The following SLC1A2 variants were observed in gnomAD, a reference collection of about 807,000 sequenced individuals.
The protein encoded by SLC1A2 is excitatory amino acid transporter 2.
A neutral mutation model predicts 48.8 loss-of-function variants in SLC1A2; 15 were observed. The ratio of observed to expected loss-of-function variants is 0.31; its 90% CI spans 0.21 to 0.47. The LOEUF (loss-of-function observed/expected upper bound fraction) is 0.47, where lower values mean the gene tolerates loss of function less well. Ranked by LOEUF, SLC1A2 falls within the 20% of genes least tolerant of loss-of-function variation. SLC1A2 has a pLI of 0.99. For missense variants in SLC1A2, 502 were observed against 730.5 expected, an observed-to-expected ratio of 0.69 and a Z score of 3.61; for synonymous variants, 279 against 272.6, an observed-to-expected ratio of 1.02 and a Z score of -0.23.
At chr11:35,315,920 G>A (rs537138471) in intron 2 of SLC1A2, 5 of 152,334 alleles carry the variant, frequency 3.3e-5, no homozygotes, top group Admixed American at 6.5e-5. Context: ...TTTAATGTGT[G>A]TCTTCTCATT....
intron 1 of SLC1A2, among the ~76,000 whole-genome samples, chr11:35,342,699 T>C (rs1002188960): frequency 6.6e-6 from 1 of 152,010 alleles, no homozygotes; most frequent in Admixed American, 6.6e-5. Flanking sequence ...GGTGGAAGGA[T>C]CGCTTGAGCC....
intron 1 of SLC1A2, among the ~76,000 whole-genome samples, chr11:35,398,228 G>GA (rs1291671833): frequency 1.3e-5 from 2 of 151,790 alleles, no homozygotes; most frequent in Non-Finnish European, 1.5e-5. Flanking sequence ...GAAGGGGATA[G>GA]AAAAAAAATA....
In SLC1A2 at chr11:35,256,801, G is replaced by A. The variant is rs1394525184; in HGVS notation, c.*4093C>T. The stretch of plus-strand genomic sequence containing the variant: ...GCCGTAAGAGTTAGAGAGCAGCTAG[G>A]TGAGAAAAATCACTTCCACTGGGGT... On this transcript the variant is annotated 3_prime_UTR_variant, in exon 11 of 11. Coordinates refer to ENST00000278379, the MANE Select transcript of SLC1A2 (RefSeq NM_004171.4). 1 of 152,018 alleles carries A rather than the reference G, an allele frequency of 6.6e-6. No individual in the cohort carries two copies. The highest frequency in any genetic ancestry group is 6.6e-5 in the Admixed American group (1 of 15,250). 9.4% of individuals were successfully genotyped at this position (152,018 alleles called of 1,614,324 possible).
At position 35,287,388 on chromosome 11, in the gene SLC1A2, A is replaced by G. The variant is rs564154078; in HGVS notation, c.1092-437T>C. 9.8e-5 allele frequency among the ~76,000 whole-genome samples: 15 copies of G among 152,332 alleles called. No homozygotes were observed. The South Asian group carries it at 1.2e-3, about 13-fold the overall frequency. Reference sequence around the variant, plus strand: ...AATAACCCATAATTTCATGCTAGAAATGCTGTTTCCGATAAAATGACTGAA... The same window carrying G: ...AATAACCCATAATTTCATGCTAGAAGTGCTGTTTCCGATAAAATGACTGAA... On this transcript the variant is annotated intron_variant, in intron 7 of 10. Transcript: ENST00000278379.
intron 1 of SLC1A2, among the ~76,000 whole-genome samples, chr11:35,398,613 A>G (rs114889364): frequency 6.6e-6 from 1 of 152,316 alleles, no homozygotes; most frequent in African/African-American, 2.4e-5. Context: ...CCCCTGTGAC[A>G]TGCAATTTAT....
chr11:35,413,083 G>C (rs946737730), intron 1 of SLC1A2, among the ~76,000 whole-genome samples: 1 of 152,204 alleles, frequency 6.6e-6, no homozygotes, highest in African/African-American at 2.4e-5. Flanking sequence ...TGTATACCAA[G>C]AGAATGGTAC....
At chr11:35,261,896 T>C (rs1306671747) in intron 10 of SLC1A2, 2 of 395,840 alleles carry the variant, frequency 5.1e-6, no homozygotes, top group Non-Finnish European at 8.9e-6. Context: ...CTTCAACGAA[T>C]CAAGCAAAGG....
intron 8 of SLC1A2, among the ~76,000 whole-genome samples, chr11:35,284,087 T>TATATATATATA (rs1850729531): frequency 3.5e-5 from 4 of 115,896 alleles, no homozygotes; most frequent in African/African-American, 1.3e-4. Flanking sequence ...GAAGATTTTA[T>TATATATATATA]TATATATATA....
At position 35,384,187 on chromosome 11, in the gene SLC1A2, T is replaced by G. The variant is rs369871980; in HGVS notation, c.17+34763A>C. Among the ~76,000 whole-genome samples the G allele has an allele frequency of 3.9e-5, 6 of 152,306 alleles. No individual in the cohort carries two copies. The South Asian group carries it at 1.0e-3, about 26-fold the overall frequency. ...AATCCAAGAACAAGAAACAAAATAGTAATAGAAGCTGTCTTGTCACATGTA... is the reference window on the plus strand; with the variant it reads ...AATCCAAGAACAAGAAACAAAATAGGAATAGAAGCTGTCTTGTCACATGTA... On this transcript the variant is annotated intron_variant, in intron 1 of 10. Coordinates refer to ENST00000278379, the MANE Select transcript of SLC1A2 (RefSeq NM_004171.4).
At chr11:35,276,942 G>A (rs927313496) in intron 9 of SLC1A2, among the ~76,000 whole-genome samples, 2 of 152,166 alleles carry the variant, frequency 1.3e-5, no homozygotes, top group Non-Finnish European at 2.9e-5. Flanking sequence ...CAGAATTCTG[G>A]AGGTTGGGAA....
intron 7 of SLC1A2, among the ~76,000 whole-genome samples, chr11:35,290,534 T>C (rs981969969): frequency 2.6e-5 from 4 of 152,144 alleles, no homozygotes; most frequent in African/African-American, 9.7e-5. Context: ...CACTGGGTGA[T>C]AGAATAATTG....
chr11:35,382,403 T>G (rs1433818950), intron 1 of SLC1A2, among the ~76,000 whole-genome samples: 3 of 152,250 alleles, frequency 2.0e-5, no homozygotes, highest in African/African-American at 7.2e-5. Flanking sequence ...ACTAGACCAG[T>G]GAAATCTTTG....
At chr11:35,274,053 G>A (rs1331263984) in intron 9 of SLC1A2, among the ~76,000 whole-genome samples, 1 of 152,040 alleles carries the variant, frequency 6.6e-6, no homozygotes, top group Non-Finnish European at 1.5e-5. Flanking sequence ...CCAGGGGTGG[G>A]GAATACTAAA....
chr11:35,407,056 A>T (rs1317968491), intron 1 of SLC1A2, among the ~76,000 whole-genome samples: 1 of 151,996 alleles, frequency 6.6e-6, no homozygotes, highest in Non-Finnish European at 1.5e-5. Context: ...CCAACTAGGG[A>T]GACTTAGAAA....
At chr11:35,332,632 A>G (rs1303405552) in intron 1 of SLC1A2, among the ~76,000 whole-genome samples, 1 of 152,156 alleles carries the variant, frequency 6.6e-6, no homozygotes, top group Non-Finnish European at 1.5e-5. Context: ...ACTCAAATAT[A>G]TTCTAGGGCT....
intron 2 of SLC1A2, chr11:35,316,986 C>T (rs1851903155): frequency 5.7e-6 from 1 of 174,030 alleles, no homozygotes; most frequent in Non-Finnish European, 1.2e-5. Flanking sequence ...TTGTGCAATA[C>T]TTGTGCTTAT....
At position 35,306,064 on chromosome 11, in the gene SLC1A2, G is replaced by C. The variant is rs771542093; in HGVS notation, c.730+10C>G. 37 of 1,612,192 alleles carry C rather than the reference G, an allele frequency of 2.3e-5. No homozygotes were observed. Among genetic ancestry groups the C allele is most frequent in the Admixed American group, 6.7e-5 (4 of 59,944 alleles). Reference sequence around the variant, plus strand: ...AGGGAAGCAGAATCCCGGACCACCAGCTGGCCTACCTAAGACGTTCATCCC... The same window carrying C: ...AGGGAAGCAGAATCCCGGACCACCACCTGGCCTACCTAAGACGTTCATCCC... On this transcript the variant is annotated intron_variant, in intron 5 of 10. Transcript: ENST00000278379.
intron 9 of SLC1A2, among the ~76,000 whole-genome samples, chr11:35,273,868 A>T (rs1440818540): frequency 6.6e-6 from 1 of 152,244 alleles, no homozygotes; most frequent in African/African-American, 2.4e-5. Context: ...TTGTTTAGTA[A>T]AACATCTGGT....
intron 2 of SLC1A2, chr11:35,315,519 CA>C: frequency 5.0e-6 from 1 of 198,990 alleles, no homozygotes; most frequent in Non-Finnish European, 1.1e-5. Flanking sequence ...AGGGGCTGGG[CA>C]CAGTGGCTTG....
Sources: gnomAD v4.1 joint callset for allele counts (sites outside exome capture counted in the v4.1 genomes callset) on GRCh38, gnomAD v4.1.1 for gene constraint, MANE v1.5 for transcripts, NCBI Gene and HGNC (gene_info 2026-07-23, HGNC 2026-07-21) for gene names.